PANK4: variants seen among roughly 807,000 people sequenced by gnomAD.
PANK4 encodes the protein 4'-phosphopantetheine phosphatase.
Under a neutral mutation model 87.9 loss-of-function variants are expected in PANK4, and 40 were observed. That is an observed-to-expected ratio of 0.46 (90% confidence interval 0.35 to 0.59). PANK4 has a LOEUF of 0.59. Among genes scored for constraint, PANK4 ranks in the 20% least tolerant of loss-of-function variants. PANK4 has a pLI of 0.00. For missense variants in PANK4, 926 were observed against 1,072.3 expected, an observed-to-expected ratio of 0.86 and a Z score of 1.90; for synonymous variants, 524 against 467.4, an observed-to-expected ratio of 1.12 and a Z score of -1.56.
At chr1:2,524,479 G>A (rs1406342254) in intron 1 of PANK4, among the ~76,000 whole-genome samples, 1 of 152,224 alleles carries the variant, frequency 6.6e-6, no homozygotes, top group Non-Finnish European at 1.5e-5. Context: ...CAGAGACACA[G>A]GACCCAGACG....
At chr1:2,522,871 C>T (rs113511082) in intron 1 of PANK4, among the ~76,000 whole-genome samples, 48 of 141,880 alleles carry the variant, frequency 3.4e-4, no homozygotes, top group African/African-American at 1.2e-3. Flanking sequence ...AGTGACTTAA[C>T]GGAGAGCACT....
intron 12 of PANK4, 135 bp from the exon 13 acceptor site, chr1:2,513,174 C>T (rs1019433838): frequency 4.4e-6 from 4 of 918,348 alleles, no homozygotes; most frequent in African/African-American, 1.7e-5. Context: ...CCCCACCAGG[C>T]ACAAGCCTAT....
At chr1:2,525,745 G>A (rs1643916431) in intron 1 of PANK4, 1 of 152,354 alleles carries the variant, frequency 6.6e-6, no homozygotes, top group Non-Finnish European at 1.5e-5. Flanking sequence ...TGAGAGCACA[G>A]CCATCAGGCA....
chr1:2,521,373 G>A (rs1451159861), intron 2 of PANK4, 58 bp from the exon 3 acceptor site: 3 of 1,314,592 alleles, frequency 2.3e-6, no homozygotes, highest in Non-Finnish European at 3.3e-6. Flanking sequence ...GGGCTGGGCT[G>A]TGCGCACCCT....
chr1:2,526,446 C>G lies in PANK4; in HGVS notation c.124+18G>C. ...GCCCGCCCCCGCAGCCCGCGCCCGG[C>G]GCCCGGCCTGCGGCTACCTATGTCG... On this transcript the variant is annotated intron_variant, in intron 1 of 18. Coordinates refer to ENST00000378466, the MANE Select transcript of PANK4 (RefSeq NM_018216.4). 7.2e-7 allele frequency: 1 copy of G among 1,389,430 alleles called. No individual in the cohort carries two copies. Among genetic ancestry groups the G allele is most frequent in the Non-Finnish European group, 9.5e-7 (1 of 1,053,770 alleles). 86.1% of individuals were successfully genotyped at this position (1,389,430 alleles called of 1,614,324 possible).
Position 2,510,706 on chromosome 1 carries a change from A to C in PANK4, c.1910T>G (p.Val637Gly). The C allele has an allele frequency of 6.2e-7, 1 of 1,608,564 alleles. No homozygotes were observed. The highest frequency in any genetic ancestry group is 8.5e-7 in the Non-Finnish European group (1 of 1,175,786). ...IDIILGVFPF[V>G]RELLLRGTEV... ...TGTCCCTCTAAGGAGTAGCTCCCTGACAAAGGGGAAGACTCCCAAAATGAT... is the reference window on the plus strand; with the variant it reads ...TGTCCCTCTAAGGAGTAGCTCCCTGCCAAAGGGGAAGACTCCCAAAATGAT... Residue 637 changes from valine to glycine, a missense_variant, in exon 16 of 19, where the codon GTC becomes GGC. By Grantham distance (109) the Val-to-Gly change is moderately radical (BLOSUM62 -3). Coordinates refer to ENST00000378466, the MANE Select transcript of PANK4 (RefSeq NM_018216.4). This position sits in a 1 kb window ranked among gnomAD's most constrained non-coding sequence, Gnocchi z 4.9.
chr1:2,521,417 C>T lies in PANK4; in HGVS notation c.208-102G>A, dbSNP rs2100793122. 1.2e-5 allele frequency: 12 copies of T among 993,210 alleles called. No individual in the cohort carries two copies. In the South Asian group the frequency reaches 1.4e-4, roughly 12 times the overall value. 61.5% of individuals were successfully genotyped at this position (993,210 alleles called of 1,614,324 possible). A position where few individuals can be genotyped will look rare whatever the true frequency, so the allele number is the denominator to read the frequency against. Reference sequence around the variant, plus strand: ...GGAGCTGGCTGTTCGCGCCAGCCTTCAACCAGGCGGCGCTCTGAGGCAGAA... The same window carrying T: ...GGAGCTGGCTGTTCGCGCCAGCCTTTAACCAGGCGGCGCTCTGAGGCAGAA... On this transcript the variant is annotated intron_variant, in intron 2 of 18. Transcript: ENST00000378466.
Position 2,519,339 on chromosome 1 carries a change from G to T in PANK4, c.854-15C>A, listed in dbSNP as rs781149646. 1 of 1,589,240 alleles carries T rather than the reference G, an allele frequency of 6.3e-7. No individual in the cohort carries two copies. The highest frequency in any genetic ancestry group is 1.7e-5 in the Admixed American group (1 of 58,544). ...TTTGGAGAACTCTGAGGAAGGGAAGGAAAAGGCACTCATCTCCAAGTACAG... is the reference window on the plus strand; with the variant it reads ...TTTGGAGAACTCTGAGGAAGGGAAGTAAAAGGCACTCATCTCCAAGTACAG... On this transcript the variant is annotated splice_polypyrimidine_tract_variant and intron_variant, in intron 6 of 18. Coordinates refer to ENST00000378466, the MANE Select transcript of PANK4 (RefSeq NM_018216.4). The surrounding 1 kb of genome is among the most constrained non-coding windows in gnomAD (Gnocchi z 8.3).
intron 1 of PANK4, among the ~76,000 whole-genome samples, chr1:2,524,865 G>A (rs1379062222): frequency 6.6e-6 from 1 of 152,222 alleles, no homozygotes; most frequent in African/African-American, 2.4e-5. Flanking sequence ...AGGCTGGGAA[G>A]CATGGCTGGG....
Position 2,519,609 on chromosome 1 carries a change from T to C in PANK4, c.853+192A>G, listed in dbSNP as rs1424016677. Among the ~76,000 whole-genome samples the C allele has an allele frequency of 2.0e-5, 3 of 152,240 alleles. No individual in the cohort carries two copies. Among genetic ancestry groups the C allele is most frequent in the African/African-American group, 7.2e-5 (3 of 41,466 alleles). Reference sequence around the variant, plus strand: ...CTTCCAAAACCAAGACCGTGGCGTTTATCTGCCGACGTTCTGAGCAGTGGG... The same window carrying C: ...CTTCCAAAACCAAGACCGTGGCGTTCATCTGCCGACGTTCTGAGCAGTGGG... On this transcript the variant is annotated intron_variant, in intron 6 of 18. Coordinates refer to ENST00000378466, the MANE Select transcript of PANK4 (RefSeq NM_018216.4). The surrounding 1 kb of genome is among the most constrained non-coding windows in gnomAD (Gnocchi z 8.3).
At chr1:2,523,271 G>A (rs542675594) in intron 1 of PANK4, among the ~76,000 whole-genome samples, 1 of 152,086 alleles carries the variant, frequency 6.6e-6, no homozygotes, top group South Asian at 2.1e-4. Flanking sequence ...CCCGACGGCT[G>A]GCGTACAGTC....
At chr1:2,512,798 A>G in intron 13 of PANK4, 90 bp downstream of exon 13, 1 of 1,359,998 alleles carries the variant, frequency 7.4e-7, no homozygotes, top group Non-Finnish European at 1.0e-6. Flanking sequence ...GTGACCCCCA[A>G]GGGACCCGCT....
rs550238486 is a variant in PANK4, at chr1:2,513,555, G to C, written c.1575+447C>G. Among the ~76,000 whole-genome samples the C allele has an allele frequency of 1.1e-4, 16 of 152,336 alleles. 1 individual carries two copies. Among genetic ancestry groups the C allele is most frequent in the Admixed American group, 8.5e-4 (13 of 15,302 alleles). ...CCTTGCACGGCCCTGCACGTTGCCG[G>C]GATAGGAGGCCTCTGGTCACTGTCC... is the stretch of plus-strand genomic sequence containing the variant. On this transcript the variant is annotated intron_variant, in intron 12 of 18. Transcript: ENST00000378466.
At chr1:2,513,946 G>A (rs372973341) in intron 12 of PANK4, 56 bp downstream of exon 12, 108 of 1,269,496 alleles carry the variant, frequency 8.5e-5, no homozygotes, top group Non-Finnish European at 1.2e-4. Flanking sequence ...CAGGACACGC[G>A]GTGCCAGCGG....
At chr1:2,521,601 C>A in intron 2 of PANK4, 117 bp downstream of exon 2, 1 of 889,500 alleles carries the variant, frequency 1.1e-6, no homozygotes, top group Non-Finnish European at 1.9e-6. Flanking sequence ...GCTAGAAACT[C>A]CCAGGACACT....
intron 12 of PANK4, 84 bp from the exon 13 acceptor site, chr1:2,513,123 T>C (rs932044244): frequency 1.7e-5 from 24 of 1,426,894 alleles, no homozygotes; most frequent in Admixed American, 6.5e-5. Flanking sequence ...GCCTGTTCCA[T>C]ACCACGCCCC....
chr1:2,510,392 T>G lies in PANK4; in HGVS notation c.1939-235A>C, dbSNP rs1643640878. On this transcript the variant is annotated intron_variant, in intron 16 of 18. Transcript: ENST00000378466. The surrounding 1 kb of genome is among the most constrained non-coding windows in gnomAD (Gnocchi z 4.9). Reference sequence around the variant, plus strand: ...TTAGAGCCTGCCCCTGGGACCTGCCTGTCTGTGAAGTCACAGCCCCAAAGC... The same window carrying G: ...TTAGAGCCTGCCCCTGGGACCTGCCGGTCTGTGAAGTCACAGCCCCAAAGC... 1 of 573,836 alleles carries G rather than the reference T, an allele frequency of 1.7e-6. No individual in the cohort carries two copies. The highest frequency in any genetic ancestry group is 2.7e-5 in the African/African-American group (1 of 36,366). The allele number at this position is 573,836 out of a possible 1,614,324, so 35.5% of individuals were successfully genotyped here. A position where few individuals can be genotyped will look rare whatever the true frequency, so the allele number is the denominator to read the frequency against.
chr1:2,512,724 G>T lies in PANK4; in HGVS notation c.1727+164C>A, dbSNP rs753312983. 4.4e-6 allele frequency: 3 copies of T among 685,060 alleles called. No homozygotes were observed. The South Asian group carries it at 5.3e-5, about 12-fold the overall frequency. The allele number at this position is 685,060 out of a possible 1,614,324, so 42.4% of individuals were successfully genotyped here. ...GGCGCTGCGCCCTGCCCAGCCCCTG[G>T]CGCTGCTGCCATGTGCACTCCCTGG... On this transcript the variant is annotated intron_variant, in intron 13 of 18. Transcript: ENST00000378466.
Position 2,524,410 on chromosome 1 carries a change from C to T in PANK4, c.124+2054G>A, listed in dbSNP as rs561153520. On this transcript the variant is annotated intron_variant, in intron 1 of 18. Transcript: ENST00000378466. ...CCCTGAGCGTGGCCTCCCAGCAGCT[C>T]GGTCAGGAGTAACAAACAAAAGGTC... is the stretch of plus-strand genomic sequence containing the variant. 3.3e-5 allele frequency among the ~76,000 whole-genome samples: 5 copies of T among 152,302 alleles called. No individual in the cohort carries two copies. In the South Asian group the frequency reaches 6.2e-4, roughly 19 times the overall value.
Sources: allele counts gnomAD v4.1 joint callset (sites outside exome capture counted in the v4.1 genomes callset), GRCh38; gene constraint gnomAD v4.1.1; non-coding constraint Gnocchi (gnomAD v3.1); transcripts MANE v1.5; gene names NCBI Gene and HGNC (gene_info 2026-07-23, HGNC 2026-07-21).